GABRA3: variants seen among roughly 807,000 people sequenced by gnomAD.
GABRA3 encodes gamma-aminobutyric acid type A receptor subunit alpha3.
Under a neutral mutation model 30.1 loss-of-function variants are expected in GABRA3, and 10 were observed. The observed-to-expected ratio is 0.33, with a 90% CI of 0.20 to 0.56. The LOEUF is 0.56. GABRA3 is among the 20% of genes least tolerant of loss of function. GABRA3 has a pLI of 0.89. For missense variants in GABRA3, 233 were observed against 392.0 expected (o/e 0.59, Z 3.42); for synonymous variants, 151 against 146.8 (o/e 1.03, Z -0.21).
chrX:152,447,432 T>C (rs1238579310), intron 1 of GABRA3, among the ~76,000 whole-genome samples: 2 of 111,858 alleles, frequency 1.8e-5, no homozygotes, highest in Non-Finnish European at 3.8e-5. Context: ...GGATGAATCC[T>C]GTTTCCCCAA....
At chrX:152,258,623 T>C (rs2124416221) in intron 4 of GABRA3, among the ~76,000 whole-genome samples, 1 of 111,821 alleles carries the variant, frequency 8.9e-6, no homozygotes, top group African/African-American at 3.2e-5. Flanking sequence ...AGCCAGTACA[T>C]AATGAATTTA....
chrX:152,232,466 G>A (rs1189651509), intron 5 of GABRA3, among the ~76,000 whole-genome samples: 2 of 109,498 alleles, frequency 1.8e-5, no homozygotes, highest in African/African-American at 3.3e-5. Flanking sequence ...TCTCTATGTC[G>A]ATGTGTATAC....
chrX:152,352,615 A>C (rs1247275407), intron 2 of GABRA3, among the ~76,000 whole-genome samples: 1 of 111,787 alleles, frequency 8.9e-6, no homozygotes, highest in African/African-American at 3.2e-5. Context: ...CCCAAAGAGG[A>C]AAGATACTTA....
intron 3 of GABRA3, among the ~76,000 whole-genome samples, chrX:152,324,543 T>C (rs761563726): frequency 3.5e-4 from 39 of 112,071 alleles, no homozygotes; most frequent in Non-Finnish European, 6.9e-4. Context: ...AGAATATTTA[T>C]ATGGCTTCTT....
intron 3 of GABRA3, among the ~76,000 whole-genome samples, chrX:152,319,383 G>A: frequency 9.0e-6 from 1 of 111,586 alleles, no homozygotes; most frequent in African/African-American, 3.2e-5. Flanking sequence ...AATAAGCACG[G>A]AGACCAATGG....
intron 5 of GABRA3, among the ~76,000 whole-genome samples, chrX:152,241,971 C>T (rs183093994): frequency 2.5e-3 from 281 of 111,809 alleles, no homozygotes; most frequent in African/African-American, 8.6e-3. Context: ...TCTTCTGCGT[C>T]GCTCACGCTG....
rs1931005086 is a variant in GABRA3 at position 152,444,122 on chromosome X, G to GA, written c.-27+7023dup. Among the ~76,000 whole-genome samples the GA allele has an allele frequency of 4.6e-5, 5 of 109,821 alleles. 1 individual carries two copies. The highest frequency in any genetic ancestry group is 6.6e-5 in the African/African-American group (2 of 30,277). On this transcript the variant is annotated intron_variant, in intron 1 of 9. Coordinates refer to ENST00000370314, the MANE Select transcript of GABRA3 (RefSeq NM_000808.4). ...GCGGTTGTTTTACTTTTATAATCAG[G>GA]AAAAAACAATGTAATGGTAGATATT...
At chrX:152,202,651 CAT>C (rs752427684) in intron 7 of GABRA3, among the ~76,000 whole-genome samples, 1 of 112,311 alleles carries the variant, frequency 8.9e-6, no homozygotes, top group African/African-American at 3.2e-5. Context: ...TATGTGCACA[CAT>C]GTGAATTTAC....
chrX:152,357,960 T>C (rs764110763), intron 2 of GABRA3, among the ~76,000 whole-genome samples: 2 of 111,605 alleles, frequency 1.8e-5, no homozygotes, highest in African/African-American at 6.5e-5. Flanking sequence ...TACAGCCCCA[T>C]AGTATAGTTT....
At chrX:152,350,844 C>A (rs1010805456) in intron 2 of GABRA3, among the ~76,000 whole-genome samples, 1 of 112,022 alleles carries the variant, frequency 8.9e-6, no homozygotes, top group African/African-American at 3.2e-5. Context: ...GTCAAAATTT[C>A]TTCTTGATCA....
At chrX:152,352,043 A>G (rs1940486342) in intron 2 of GABRA3, among the ~76,000 whole-genome samples, 1 of 111,474 alleles carries the variant, frequency 9.0e-6, no homozygotes, top group Admixed American at 9.6e-5. Flanking sequence ...ATCAAAGATC[A>G]CCAATCACAG....
chrX:152,323,232 T>C lies in GABRA3; in HGVS notation c.262+22349A>G, dbSNP rs73623074. Among the ~76,000 whole-genome samples, 323 of 111,813 alleles carry C rather than the reference T, an allele frequency of 2.9e-3. 4 individuals carry two copies. Among genetic ancestry groups the C allele is most frequent in the African/African-American group, 0.01 (315 of 30,812 alleles). The stretch of plus-strand genomic sequence containing the variant: ...CCGAATTCTTTGGAGTGGGATATCA[T>C]TCAGTGTTGCACTCATAGCCATTCT... On this transcript the variant is annotated intron_variant, in intron 3 of 9. Transcript: ENST00000370314.
chrX:152,337,019 T>C (rs1940244606), intron 3 of GABRA3, among the ~76,000 whole-genome samples: 1 of 110,433 alleles, frequency 9.1e-6, no homozygotes, highest in African/African-American at 3.3e-5. Context: ...TGTTTGGTCA[T>C]GTGGATTCCC....
At chrX:152,234,217 A>T (rs1938150828) in intron 5 of GABRA3, among the ~76,000 whole-genome samples, 1 of 110,864 alleles carries the variant, frequency 9.0e-6, no homozygotes, top group African/African-American at 3.3e-5. Flanking sequence ...ATTAAAAAAT[A>T]AAAATGTTTT....
rs1286127382 is a variant in GABRA3, at chrX:152,241,247, A to G, written c.551+14531T>C. Among the ~76,000 whole-genome samples, 411 of 94,044 alleles carry G rather than the reference A, an allele frequency of 4.4e-3. 8 individuals are homozygous for G. Among genetic ancestry groups the G allele is most frequent in the Admixed American group, 0.025 (215 of 8,698 alleles). The allele number at this position is 94,044 out of a possible 115,157, so 81.7% of individuals were successfully genotyped here. ...GACCCTCAGCTGCAGGTCTGTTGGA[A>G]TACCCTGCAGTGTGAGGTGTCAGTG... On this transcript the variant is annotated intron_variant, in intron 5 of 9. Coordinates refer to ENST00000370314, the MANE Select transcript of GABRA3 (RefSeq NM_000808.4).
chrX:152,175,926 TGGTGGTACA>T (rs1220912862), intron 9 of GABRA3, among the ~76,000 whole-genome samples: 3 of 109,426 alleles, frequency 2.7e-5, no homozygotes, highest in Non-Finnish European at 5.7e-5. Context: ...TAGCCAAGCA[TGGTGGTACA>T]CGCCTGTAGT....
intron 1 of GABRA3, among the ~76,000 whole-genome samples, chrX:152,408,593 C>A (rs1189567267): frequency 9.0e-6 from 1 of 111,268 alleles, no homozygotes; most frequent in Non-Finnish European, 1.9e-5. Context: ...AGATAGTTCA[C>A]GGATTTTAGA....
chrX:152,449,064 T>C (rs1447271798), intron 1 of GABRA3, among the ~76,000 whole-genome samples: 1 of 112,265 alleles, frequency 8.9e-6, no homozygotes, highest in Non-Finnish European at 1.9e-5. Context: ...GATAATCCTT[T>C]ACTCTGTGGT....
intron 4 of GABRA3, among the ~76,000 whole-genome samples, chrX:152,271,931 T>C (rs1316366431): frequency 1.8e-5 from 2 of 112,129 alleles, no homozygotes; most frequent in African/African-American, 3.2e-5. Context: ...AAGTCAATAA[T>C]TGAGGTTTGG....
Sources: gnomAD v4.1 joint callset for allele counts (sites outside exome capture counted in the v4.1 genomes callset) on GRCh38, gnomAD v4.1.1 for gene constraint, MANE v1.5 for transcripts, NCBI Gene and HGNC (gene_info 2026-07-23, HGNC 2026-07-21) for gene names.